Variants in CADM2 observed in about 807,000 individuals in gnomAD.
The protein encoded by CADM2 is immunoglobulin superfamily member 4D.
In CADM2, 12 loss-of-function variants were observed where a neutral mutation model predicts 49.8. That is an observed-to-expected ratio of 0.24 (90% confidence interval 0.15 to 0.39). The LOEUF (loss-of-function observed/expected upper bound fraction) is 0.39, where lower values mean the gene tolerates loss of function less well. Ranked by LOEUF, CADM2 falls within the 10% of genes least tolerant of loss-of-function variation. CADM2 has a pLI of 1.00. For missense variants in CADM2, 378 were observed against 492.3 expected, an observed-to-expected ratio of 0.77 and a Z score of 2.20; for synonymous variants, 214 against 175.4, an observed-to-expected ratio of 1.22 and a Z score of -1.74.
chr3:85,445,413 A>G (rs2037400131), intron 1 of CADM2, among the ~76,000 whole-genome samples: 1 of 152,130 alleles, frequency 6.6e-6, no homozygotes, highest in Non-Finnish European at 1.5e-5. Context: ...TTGTGAAATG[A>G]GATCTAAATA....
At chr3:86,011,972 A>G (rs903716921) in intron 8 of CADM2, among the ~76,000 whole-genome samples, 1 of 152,098 alleles carries the variant, frequency 6.6e-6, no homozygotes, top group African/African-American at 2.4e-5. Context: ...GATACATTTT[A>G]GTATTGGATA....
intron 1 of CADM2, among the ~76,000 whole-genome samples, chr3:85,014,053 C>T (rs550053056): frequency 2.6e-4 from 35 of 136,456 alleles, no homozygotes; most frequent in South Asian, 1.3e-3. Context: ...ATTATATATA[C>T]GCAGTGTAAT....
chr3:85,392,645 C>A (rs908258147), intron 1 of CADM2, among the ~76,000 whole-genome samples: 1 of 152,032 alleles, frequency 6.6e-6, no homozygotes, highest in Non-Finnish European at 1.5e-5. Flanking sequence ...TAAAACAATT[C>A]TCCAGGTAAA....
chr3:85,291,975 T>G lies in CADM2; in HGVS notation c.61+332307T>G, dbSNP rs2043811215. Among the ~76,000 whole-genome samples the G allele has an allele frequency of 2.6e-5, 4 of 152,054 alleles. No individual in the cohort carries two copies. In the South Asian group the frequency reaches 8.3e-4, roughly 32 times the overall value. ...AATGTAAATGGACTAAATTCTCCAATTAAAAGACATAGACTGGCAAATTGG... is the reference window on the plus strand; with the variant it reads ...AATGTAAATGGACTAAATTCTCCAAGTAAAAGACATAGACTGGCAAATTGG... On this transcript the variant is annotated intron_variant, in intron 1 of 9. Transcript: ENST00000383699.
rs1056937753 is a variant in CADM2 at position 85,679,126 on chromosome 3, A to G, written c.62-47396A>G. Among the ~76,000 whole-genome samples, 4 of 152,236 alleles carry G rather than the reference A, an allele frequency of 2.6e-5. No homozygotes were observed. In the South Asian group the frequency reaches 6.2e-4, roughly 24 times the overall value. On this transcript the variant is annotated intron_variant, in intron 1 of 9. Coordinates refer to ENST00000383699, the MANE Select transcript of CADM2 (RefSeq NM_001167675.2). The stretch of plus-strand genomic sequence containing the variant: ...CACAAAATTAAATATATAGTATTAA[A>G]TATGATAAATAAAAGGAAGACAAAA...
intron 1 of CADM2, among the ~76,000 whole-genome samples, chr3:85,004,260 A>G (rs148716649): frequency 7.9e-5 from 12 of 152,272 alleles, no homozygotes; most frequent in African/African-American, 2.6e-4. Flanking sequence ...GTTAACACAT[A>G]CATAACACAA....
intron 9 of CADM2, 128 bp downstream of exon 9, chr3:86,065,858 A>T (rs1739249133): frequency 2.3e-6 from 2 of 871,038 alleles, no homozygotes; most frequent in South Asian, 6.1e-5. Context: ...GAGAAATGCT[A>T]AATTATTTCA....
intron 2 of CADM2, among the ~76,000 whole-genome samples, chr3:85,766,657 A>C (rs2069670363): frequency 6.6e-6 from 1 of 152,156 alleles, no homozygotes; most frequent in Non-Finnish European, 1.5e-5. Context: ...TCTTTACGTC[A>C]GTTTAGTTAT....
chr3:85,854,160 T>TAAA (rs2075215748), intron 3 of CADM2, among the ~76,000 whole-genome samples: 1 of 152,198 alleles, frequency 6.6e-6, no homozygotes, highest in Non-Finnish European at 1.5e-5. Flanking sequence ...ATCCTGGCCA[T>TAAA]TCAGTAAGTA....
chr3:85,906,980 G>C (rs999227333), intron 5 of CADM2, among the ~76,000 whole-genome samples: 1 of 152,164 alleles, frequency 6.6e-6, no homozygotes, highest in Non-Finnish European at 1.5e-5. Flanking sequence ...AGTTAAGAAA[G>C]AAATAATGGG....
At chr3:85,224,215 CG>C (rs1198503135) in intron 1 of CADM2, among the ~76,000 whole-genome samples, 3 of 152,096 alleles carry the variant, frequency 2.0e-5, no homozygotes, top group African/African-American at 7.2e-5. Context: ...TTTACATGCC[CG>C]CCAACAATGT....
At chr3:85,562,578 G>T (rs1311382258) in intron 1 of CADM2, among the ~76,000 whole-genome samples, 1 of 150,410 alleles carries the variant, frequency 6.6e-6, no homozygotes, top group Non-Finnish European at 1.5e-5. Flanking sequence ...CTGAAACATT[G>T]CTACTTCCCT....
chr3:85,453,577 T>C (rs2037850508), intron 1 of CADM2, among the ~76,000 whole-genome samples: 1 of 152,158 alleles, frequency 6.6e-6, no homozygotes, highest in African/African-American at 2.4e-5. Context: ...CAGAATATTT[T>C]CATCCCAAAT....
intron 7 of CADM2, among the ~76,000 whole-genome samples, chr3:85,951,566 G>A (rs1026065797): frequency 9.3e-5 from 14 of 150,870 alleles, no homozygotes; most frequent in African/African-American, 3.4e-4. Context: ...AAACAGCTCT[G>A]GGACGGAGAA....
intron 1 of CADM2, among the ~76,000 whole-genome samples, chr3:85,342,255 T>C (rs1193836198): frequency 1.3e-5 from 2 of 152,012 alleles, no homozygotes; most frequent in African/African-American, 2.4e-5. Context: ...AACAGACATA[T>C]GAAAAAATGC....
At chr3:86,016,389 G>T (rs1272965483) in intron 8 of CADM2, among the ~76,000 whole-genome samples, 4 of 152,126 alleles carry the variant, frequency 2.6e-5, no homozygotes, top group Non-Finnish European at 5.9e-5. Context: ...TTCTAGATAA[G>T]AGAATAAGAG....
intron 3 of CADM2, among the ~76,000 whole-genome samples, chr3:85,828,801 GATA>G (rs1398511804): frequency 1.3e-5 from 2 of 151,908 alleles, no homozygotes; most frequent in African/African-American, 4.8e-5. Context: ...CTGTGAGGGA[GATA>G]ATAATGACCA....
chr3:85,577,046 T>G (rs558048664), intron 1 of CADM2, among the ~76,000 whole-genome samples: 1 of 152,320 alleles, frequency 6.6e-6, no homozygotes, highest in East Asian at 1.9e-4. Context: ...TTGTCACTAC[T>G]AATGAACTGG....
chr3:85,277,805 A>G (rs1198985590), intron 1 of CADM2, among the ~76,000 whole-genome samples: 1 of 150,088 alleles, frequency 6.7e-6, no homozygotes, highest in African/African-American at 2.4e-5. Context: ...TAAAATATAG[A>G]ATAAAAAAGT....
Sources: allele counts gnomAD v4.1 joint callset (sites outside exome capture counted in the v4.1 genomes callset), GRCh38; gene constraint gnomAD v4.1.1; transcripts MANE v1.5; gene names NCBI Gene and HGNC (gene_info 2026-07-23, HGNC 2026-07-21).